Variants in ANKS1B observed in about 807,000 individuals in gnomAD.
The protein encoded by ANKS1B is ankyrin repeat and sterile alpha motif domain containing 1B.
A neutral mutation model predicts 148.3 loss-of-function variants in ANKS1B; 36 were observed. The ratio of observed to expected loss-of-function variants is 0.24; its 90% CI spans 0.19 to 0.32. The LOEUF is 0.32. ANKS1B is among the 10% of genes least tolerant of loss of function. The probability of loss-of-function intolerance (pLI) is 1.00; values close to 1 mark genes in which losing one functional copy is unlikely to be tolerated. For missense variants in ANKS1B, 1,157 were observed against 1,542.6 expected (o/e 0.75, Z 4.19); for synonymous variants, 542 against 560.8 (o/e 0.97, Z 0.47).
chr12:99,723,722 C>A (rs1340873677), intron 8 of ANKS1B, among the ~76,000 whole-genome samples: 6 of 152,100 alleles, frequency 3.9e-5, no homozygotes, highest in Admixed American at 1.3e-4. Flanking sequence ...GTCAGACATC[C>A]TATACAGGAG....
At chr12:99,525,187 C>T (rs1169556515) in intron 9 of ANKS1B, among the ~76,000 whole-genome samples, 1 of 152,122 alleles carries the variant, frequency 6.6e-6, no homozygotes, top group African/African-American at 2.4e-5. Flanking sequence ...CAGCAGAAGG[C>T]ATCACACAGG....
intron 12 of ANKS1B, among the ~76,000 whole-genome samples, 193 bp from the exon 13 acceptor site, chr12:99,247,057 G>A (rs2073956349): frequency 6.6e-6 from 1 of 152,198 alleles, no homozygotes; most frequent in African/African-American, 2.4e-5. Flanking sequence ...GTGTGCGTGT[G>A]TATGCATGTG....
chr12:99,307,008 T>C (rs1183365126), intron 12 of ANKS1B, among the ~76,000 whole-genome samples: 1 of 152,092 alleles, frequency 6.6e-6, no homozygotes, highest in Non-Finnish European at 1.5e-5. Context: ...GAAAGTACAA[T>C]GTAATGGTCC....
chr12:99,932,781 A>T, intron 1 of ANKS1B, among the ~76,000 whole-genome samples: 1 of 151,960 alleles, frequency 6.6e-6, no homozygotes. Flanking sequence ...ATGTGATCCC[A>T]TTTGTCCATG....
intron 2 of ANKS1B, among the ~76,000 whole-genome samples, 153 bp downstream of exon 2, chr12:99,825,156 G>A (rs754220159): frequency 5.9e-5 from 9 of 152,174 alleles, no homozygotes. Flanking sequence ...TTCCTACCAA[G>A]TCTAACTTGT....
intron 15 of ANKS1B, among the ~76,000 whole-genome samples, chr12:99,147,592 G>A (rs1438023561): frequency 6.6e-6 from 1 of 152,096 alleles, no homozygotes; most frequent in Non-Finnish European, 1.5e-5. Context: ...ACATTTACTG[G>A]GCATTTATTC....
chr12:99,593,242 T>TG (rs143942709), intron 9 of ANKS1B, among the ~76,000 whole-genome samples: 5,234 of 151,772 alleles, frequency 0.034, 327 homozygotes, highest in African/African-American at 0.12. Context: ...TGGTTGGGGT[T>TG]GGGGGGGTCT....
rs1482322327 is a variant in ANKS1B, at chr12:99,484,765, T to TG, written c.1438+19710_1438+19711insC. On this transcript the variant is annotated intron_variant, in intron 10 of 26. Coordinates refer to ENST00000683438, the MANE Select transcript of ANKS1B (RefSeq NM_001352186.2). The stretch of plus-strand genomic sequence containing the variant: ...GACCGTCTTTGTGTGTGTGTGTGTG[T>TG]TTTTTTTTTTTTTTTTTTACCATTG... Among the ~76,000 whole-genome samples the TG allele has an allele frequency of 1.9e-3, 126 of 65,876 alleles. 1 individual carries two copies. The highest frequency in any genetic ancestry group is 0.013 in the Middle Eastern group (2 of 158). The allele number at this position is 65,876 out of a possible 152,430, so 43.2% of individuals were successfully genotyped here.
At chr12:99,331,027 C>T (rs2087438189) in intron 12 of ANKS1B, among the ~76,000 whole-genome samples, 1 of 151,860 alleles carries the variant, frequency 6.6e-6, no homozygotes, top group Non-Finnish European at 1.5e-5. Context: ...TTGATGAATC[C>T]ATTGGATATT....
Position 99,528,824 on chromosome 12 carries a change from A to G in ANKS1B, c.1273-24183T>C, listed in dbSNP as rs552722412. 2.6e-5 allele frequency among the ~76,000 whole-genome samples: 4 copies of G among 152,300 alleles called. No homozygotes were observed. In the South Asian group the frequency reaches 6.2e-4, roughly 24 times the overall value. On this transcript the variant is annotated intron_variant, in intron 9 of 26. Coordinates refer to ENST00000683438, the MANE Select transcript of ANKS1B (RefSeq NM_001352186.2). ...TCATATCTGTGTGAAAAAAGTATGC[A>G]CTCAAATTATATATTCCTGGAATAT...
chr12:99,515,724 G>C (rs2096812335), intron 9 of ANKS1B, among the ~76,000 whole-genome samples: 1 of 151,958 alleles, frequency 6.6e-6, no homozygotes, highest in Non-Finnish European at 1.5e-5. Flanking sequence ...TTACATGATA[G>C]CTCCCTTTTT....
chr12:99,966,332 A>G (rs1020050898), intron 1 of ANKS1B, among the ~76,000 whole-genome samples: 8 of 151,988 alleles, frequency 5.3e-5, no homozygotes, highest in South Asian at 2.1e-4. Context: ...TGGTTCGGGG[A>G]AAAAAAAGGT....
chr12:99,482,596 T>C (rs1290509903), intron 10 of ANKS1B, among the ~76,000 whole-genome samples: 1 of 152,030 alleles, frequency 6.6e-6, no homozygotes, highest in African/African-American at 2.4e-5. Context: ...GGGAATTGCA[T>C]TGAATCTATG....
chr12:99,820,294 C>T (rs2082351542), intron 2 of ANKS1B, among the ~76,000 whole-genome samples: 1 of 151,876 alleles, frequency 6.6e-6, no homozygotes, highest in Non-Finnish European at 1.5e-5. Flanking sequence ...GATTAACTAG[C>T]ATTGATAAAC....
intron 24 of ANKS1B, among the ~76,000 whole-genome samples, 175 bp from the exon 25 acceptor site, chr12:98,773,354 G>T (rs1593261710): frequency 6.6e-6 from 1 of 152,172 alleles, no homozygotes; most frequent in African/African-American, 2.4e-5. Context: ...AGATATGGAA[G>T]AAATATTTTC....
At chr12:99,569,423 A>T (rs568417628) in intron 9 of ANKS1B, among the ~76,000 whole-genome samples, 4 of 152,192 alleles carry the variant, frequency 2.6e-5, no homozygotes, top group Non-Finnish European at 5.9e-5. Flanking sequence ...AAAAATAATA[A>T]TAGCTGTCTT....
intron 24 of ANKS1B, among the ~76,000 whole-genome samples, chr12:98,779,145 T>C (rs1003962804): frequency 3.3e-5 from 5 of 152,250 alleles, no homozygotes; most frequent in African/African-American, 4.8e-5. Flanking sequence ...TTTATTTACA[T>C]AGAATTATCT....
intron 8 of ANKS1B, among the ~76,000 whole-genome samples, chr12:99,672,902 A>G (rs2098545065): frequency 6.6e-6 from 1 of 152,190 alleles, no homozygotes; most frequent in Admixed American, 6.6e-5. Flanking sequence ...TGAGCCAAAG[A>G]CACAATAAAA....
intron 14 of ANKS1B, among the ~76,000 whole-genome samples, chr12:99,185,513 T>G (rs976174181): frequency 2.6e-4 from 40 of 151,988 alleles, no homozygotes; most frequent in Non-Finnish European, 4.7e-4. Context: ...ATGCAGAAGG[T>G]GGGTGATTTC....
Sources: allele counts gnomAD v4.1 joint callset (sites outside exome capture counted in the v4.1 genomes callset), GRCh38; gene constraint gnomAD v4.1.1; transcripts MANE v1.5; gene names NCBI Gene and HGNC (gene_info 2026-07-23, HGNC 2026-07-21).